COX10: variants seen among roughly 807,000 people sequenced by gnomAD.
COX10 encodes protoheme IX farnesyltransferase, mitochondrial.
In COX10, 27 loss-of-function variants were observed where a neutral mutation model predicts 37.3. The observed-to-expected ratio is 0.72, with a 90% CI of 0.53 to 1.00. The LOEUF (loss-of-function observed/expected upper bound fraction) is 1.00. Among genes scored for constraint, COX10 ranks in the 50% least tolerant of loss-of-function variants. The probability of loss-of-function intolerance (pLI) is 0.00; values close to 1 mark genes in which losing one functional copy is unlikely to be tolerated. For missense variants in COX10, 475 were observed against 563.2 expected, an observed-to-expected ratio of 0.84 and a Z score of 1.59; for synonymous variants, 222 against 229.1, an observed-to-expected ratio of 0.97 and a Z score of 0.28.
chr17:14,083,654 G>A (rs553539199), intron 3 of COX10, among the ~76,000 whole-genome samples: 8 of 152,234 alleles, frequency 5.3e-5, no homozygotes, highest in South Asian at 2.1e-4. Context: ...TGAGCCAAAC[G>A]TTTGCTGGTG....
At chr17:14,117,132 A>G (rs1223304566) in intron 4 of COX10, among the ~76,000 whole-genome samples, 1 of 152,170 alleles carries the variant, frequency 6.6e-6, no homozygotes, top group Non-Finnish European at 1.5e-5. Context: ...CCATTTTAGC[A>G]TGAAGATATT....
chr17:14,130,389 G>A (rs1473144670), intron 4 of COX10, among the ~76,000 whole-genome samples: 1 of 151,996 alleles, frequency 6.6e-6, no homozygotes, highest in Non-Finnish European at 1.5e-5. Context: ...AAAATTCCCC[G>A]GGACTTCTGA....
intron 5 of COX10, among the ~76,000 whole-genome samples, chr17:14,187,446 G>A (rs1166303215): frequency 6.6e-6 from 1 of 151,984 alleles, no homozygotes; most frequent in Non-Finnish European, 1.5e-5. Context: ...TAATAGCCTG[G>A]GGAAATTATT....
intron 4 of COX10, among the ~76,000 whole-genome samples, chr17:14,156,288 C>A (rs558977225): frequency 6.6e-6 from 1 of 152,204 alleles, no homozygotes; most frequent in African/African-American, 2.4e-5. Context: ...TGCAGTGGCA[C>A]AATCTCAGCT....
At chr17:14,190,743 C>G (rs144102624) in intron 5 of COX10, among the ~76,000 whole-genome samples, 1 of 152,068 alleles carries the variant, frequency 6.6e-6, no homozygotes, top group African/African-American at 2.4e-5. Flanking sequence ...CTCTGGCACC[C>G]TCCCGGCTAA....
At chr17:14,080,843 C>G (rs1305052147) in intron 3 of COX10, among the ~76,000 whole-genome samples, 1 of 150,884 alleles carries the variant, frequency 6.6e-6, no homozygotes, top group African/African-American at 2.4e-5. Flanking sequence ...TTATTTTGCC[C>G]CATGGAGATT....
intron 3 of COX10, among the ~76,000 whole-genome samples, chr17:14,097,127 T>A (rs1198973671): frequency 6.6e-6 from 1 of 152,182 alleles, no homozygotes. Context: ...AATGAGATTT[T>A]GCTGTTACAA....
chr17:14,202,002 T>C lies in COX10; in HGVS notation c.929-4808T>C, dbSNP rs79631864. Among the ~76,000 whole-genome samples, 4 of 152,234 alleles carry C rather than the reference T, an allele frequency of 2.6e-5. No individual in the cohort carries two copies. The East Asian group carries it at 7.7e-4, about 29-fold the overall frequency. On this transcript the variant is annotated intron_variant, in intron 6 of 6. Transcript: ENST00000261643. Reference sequence around the variant, plus strand: ...AGTTGCACCTGAGCATTCCAACCTTTCCTCTGTCCTTTTTAATTCCCTAGC... The same window carrying C: ...AGTTGCACCTGAGCATTCCAACCTTCCCTCTGTCCTTTTTAATTCCCTAGC...
At chr17:14,081,062 T>A (rs1039521075) in intron 3 of COX10, among the ~76,000 whole-genome samples, 3 of 152,244 alleles carry the variant, frequency 2.0e-5, no homozygotes, top group Non-Finnish European at 4.4e-5. Context: ...GGATCACCTG[T>A]TTTTGTAAAT....
intron 5 of COX10, among the ~76,000 whole-genome samples, chr17:14,186,089 C>G (rs1484818252): frequency 2.0e-5 from 3 of 152,248 alleles, no homozygotes; most frequent in African/African-American, 7.2e-5. Flanking sequence ...CACGATTCTT[C>G]TTCCTTTGAA....
intron 4 of COX10, among the ~76,000 whole-genome samples, chr17:14,130,651 C>A (rs1013962827): frequency 6.6e-6 from 1 of 151,876 alleles, no homozygotes; most frequent in Non-Finnish European, 1.5e-5. Context: ...TTGTTACGTT[C>A]TTCACCACTG....
At chr17:14,156,034 C>A (rs1276741896) in intron 4 of COX10, among the ~76,000 whole-genome samples, 1 of 152,172 alleles carries the variant, frequency 6.6e-6, no homozygotes, top group African/African-American at 2.4e-5. Flanking sequence ...AGCTTCATCA[C>A]CAGCCATCCA....
At chr17:14,196,763 G>C (rs1419435312) in intron 6 of COX10, among the ~76,000 whole-genome samples, 1 of 151,952 alleles carries the variant, frequency 6.6e-6, no homozygotes, top group Non-Finnish European at 1.5e-5. Flanking sequence ...CTCCACTAGG[G>C]CTCCACCTAC....
chr17:14,157,773 T>A lies in COX10; in HGVS notation c.625-2104T>A, dbSNP rs141810720. On this transcript the variant is annotated intron_variant, in intron 4 of 6. Transcript: ENST00000261643. ...CTTACTCTGACTACGGCCACACTCT[T>A]GGGCTGCAGCAGTGCCCAGGAAGCT... Among the ~76,000 whole-genome samples the A allele has an allele frequency of 4.1e-3, 629 of 152,328 alleles. 5 individuals are homozygous for A. Among genetic ancestry groups the A allele is most frequent in the African/African-American group, 0.013 (545 of 41,572 alleles).
chr17:14,191,718 A>G (rs536709649), intron 5 of COX10, among the ~76,000 whole-genome samples: 7 of 152,336 alleles, frequency 4.6e-5, no homozygotes, highest in South Asian at 4.1e-4. Flanking sequence ...GACAGAACCT[A>G]TATGAATCCA....
At chr17:14,192,897 G>C (rs1486949644) in intron 6 of COX10, among the ~76,000 whole-genome samples, 1 of 151,766 alleles carries the variant, frequency 6.6e-6, no homozygotes, top group African/African-American at 2.4e-5. Flanking sequence ...TGCAATATAT[G>C]TAAGTACATA....
chr17:14,155,538 A>G (rs936489721), intron 4 of COX10, among the ~76,000 whole-genome samples: 4 of 151,780 alleles, frequency 2.6e-5, no homozygotes, highest in Non-Finnish European at 5.9e-5. Context: ...ACACGGTGAA[A>G]CCCTGTCTCT....
chr17:14,175,845 C>G (rs1019846488), intron 5 of COX10, among the ~76,000 whole-genome samples: 1 of 150,688 alleles, frequency 6.6e-6, no homozygotes, highest in African/African-American at 2.4e-5. Flanking sequence ...TCTGGGGGAA[C>G]GTACGGTGGC....
chr17:14,162,473 C>T (rs1905189366), intron 5 of COX10, among the ~76,000 whole-genome samples: 1 of 151,912 alleles, frequency 6.6e-6, no homozygotes, highest in South Asian at 2.1e-4. Flanking sequence ...TCTAGTGTCA[C>T]AAAAAAACAT....
Sources: allele counts gnomAD v4.1 joint callset (sites outside exome capture counted in the v4.1 genomes callset), GRCh38; gene constraint gnomAD v4.1.1; transcripts MANE v1.5; gene names NCBI Gene and HGNC (gene_info 2026-07-23, HGNC 2026-07-21).